GRIA1: variants seen among roughly 807,000 people sequenced by gnomAD.
The protein encoded by GRIA1 is glutamate receptor 1.
GRIA1 carries 31 observed loss-of-function variants against 99.2 expected under a neutral mutation model. The observed-to-expected ratio is 0.31, with a 90% confidence interval of 0.23 to 0.42. The LOEUF (loss-of-function observed/expected upper bound fraction) is 0.42. Among genes scored for constraint, GRIA1 ranks in the 10% least tolerant of loss-of-function variants. GRIA1 has a pLI of 1.00. For synonymous variants in GRIA1, 438 were observed against 432.4 expected (o/e 1.01, Z -0.16); for missense variants, 782 against 1,157.5 (o/e 0.68, Z 4.71).
At chr5:153,617,913 C>T (rs1407738037) in intron 2 of GRIA1, among the ~76,000 whole-genome samples, 1 of 152,184 alleles carries the variant, frequency 6.6e-6, no homozygotes, top group African/African-American at 2.4e-5. Flanking sequence ...ACATGTACAC[C>T]ATGCTTTGGG....
intron 9 of GRIA1, 28 bp from the exon 10 acceptor site, chr5:153,698,839 T>C (rs774213015): frequency 6.7e-7 from 1 of 1,487,842 alleles, no homozygotes; most frequent in South Asian, 1.1e-5. Context: ...ATAACCCACA[T>C]TCTGCTATCT....
intron 2 of GRIA1, among the ~76,000 whole-genome samples, chr5:153,561,058 T>C (rs1465701211): frequency 6.6e-6 from 1 of 152,158 alleles, no homozygotes; most frequent in Non-Finnish European, 1.5e-5. Context: ...ATGATACATG[T>C]CTTCAAGACA....
At chr5:153,579,732 G>A (rs1762879368) in intron 2 of GRIA1, among the ~76,000 whole-genome samples, 1 of 152,102 alleles carries the variant, frequency 6.6e-6, no homozygotes, top group Admixed American at 6.5e-5. Flanking sequence ...TCCAATTGGA[G>A]AAATGGCCAT....
intron 2 of GRIA1, among the ~76,000 whole-genome samples, chr5:153,627,572 A>G (rs1250919874): frequency 6.8e-6 from 1 of 148,056 alleles, no homozygotes; most frequent in African/African-American, 2.4e-5. Flanking sequence ...CTCCAGAGTA[A>G]AAGAATGGGG....
chr5:153,650,913 A>G (rs1754524976), intron 4 of GRIA1, among the ~76,000 whole-genome samples: 1 of 150,074 alleles, frequency 6.7e-6, no homozygotes, highest in South Asian at 2.1e-4. Flanking sequence ...AAAAAAAAAA[A>G]AAAAAAAATT....
At chr5:153,622,634 T>A (rs1162673328) in intron 2 of GRIA1, among the ~76,000 whole-genome samples, 1 of 152,212 alleles carries the variant, frequency 6.6e-6, no homozygotes, top group Non-Finnish European at 1.5e-5. Flanking sequence ...TCTCTGAGAT[T>A]TGAATTTATG....
intron 2 of GRIA1, among the ~76,000 whole-genome samples, chr5:153,633,358 T>C (rs1581371746): frequency 6.6e-6 from 1 of 152,300 alleles, no homozygotes; most frequent in Non-Finnish European, 1.5e-5. Flanking sequence ...TCCAGGATAG[T>C]GAGAAATGCC....
At chr5:153,617,636 G>A (rs1766632809) in intron 2 of GRIA1, among the ~76,000 whole-genome samples, 2 of 152,160 alleles carry the variant, frequency 1.3e-5, no homozygotes, top group Admixed American at 6.5e-5. Flanking sequence ...CTCTGACCTT[G>A]ATTTAGCCAC....
intron 5 of GRIA1, 128 bp downstream of exon 5, chr5:153,656,000 T>C (rs367907448): frequency 2.7e-6 from 2 of 734,448 alleles, no homozygotes; most frequent in African/African-American, 3.5e-5. Flanking sequence ...TAATAATGAG[T>C]CTTGGCAATA....
At chr5:153,565,111 A>T (rs370104276) in intron 2 of GRIA1, among the ~76,000 whole-genome samples, 16 of 152,340 alleles carry the variant, frequency 1.1e-4, no homozygotes, top group African/African-American at 3.8e-4. Context: ...AACTACTGCT[A>T]AAAAGGTTTA....
intron 2 of GRIA1, among the ~76,000 whole-genome samples, chr5:153,610,148 T>G (rs1286237297): frequency 1.3e-5 from 2 of 152,154 alleles, no homozygotes; most frequent in Admixed American, 1.3e-4. Flanking sequence ...TCAGTTGTGA[T>G]GTGAGACCAG....
intron 13 of GRIA1, among the ~76,000 whole-genome samples, chr5:153,785,031 G>C (rs1191813933): frequency 6.6e-6 from 1 of 152,102 alleles, no homozygotes; most frequent in Non-Finnish European, 1.5e-5. Context: ...CCCAGAGAAG[G>C]TTTCTCTGTC....
intron 2 of GRIA1, among the ~76,000 whole-genome samples, chr5:153,646,603 C>A (rs986916852): frequency 6.6e-6 from 1 of 152,160 alleles, no homozygotes; most frequent in Non-Finnish European, 1.5e-5. Context: ...GTCTTATATA[C>A]ATGGCTACTG....
chr5:153,547,440 G>T (rs1935629575), intron 2 of GRIA1, among the ~76,000 whole-genome samples: 1 of 152,154 alleles, frequency 6.6e-6, no homozygotes, highest in African/African-American at 2.4e-5. Flanking sequence ...CATGATAGCT[G>T]ACCCTTAATA....
chr5:153,592,105 G>T (rs1764025286), intron 2 of GRIA1, among the ~76,000 whole-genome samples: 1 of 152,174 alleles, frequency 6.6e-6, no homozygotes, highest in Non-Finnish European at 1.5e-5. Context: ...AGAGGGGTTG[G>T]GGAGGAGTAT....
intron 2 of GRIA1, among the ~76,000 whole-genome samples, chr5:153,533,082 C>T (rs547403319): frequency 6.6e-6 from 1 of 152,214 alleles, no homozygotes; most frequent in Non-Finnish European, 1.5e-5. Context: ...GATACAAACC[C>T]CCATATTCAA....
At chr5:153,573,687 C>T (rs1052781162) in intron 2 of GRIA1, among the ~76,000 whole-genome samples, 5 of 152,126 alleles carry the variant, frequency 3.3e-5, no homozygotes, top group Non-Finnish European at 5.9e-5. Flanking sequence ...GTGCCAGGCT[C>T]TATTTCCAGG....
intron 2 of GRIA1, among the ~76,000 whole-genome samples, chr5:153,623,788 G>C (rs1767300120): frequency 6.6e-6 from 1 of 152,166 alleles, no homozygotes; most frequent in South Asian, 2.1e-4. Context: ...CTGTTGAATA[G>C]TTGGGAAGTG....
chr5:153,770,228 G>A lies in GRIA1; in HGVS notation c.2083G>A (p.Val695Ile). ...WTYMKSAEPS[V>I]FVRTTEEGMI... ...ATACATGAAGTCAGCAGAGCCATCA[G>A]TTTTTGTGCGGACCACAGAGGAGGG... The change falls in exon 13 of 16, where the codon GTT (valine) becomes ATT (isoleucine). Residue 695 changes from valine to isoleucine, a missense_variant. Transcript: ENST00000285900. 3 of 1,613,994 alleles carry A rather than the reference G, an allele frequency of 1.9e-6. No homozygotes were observed. The highest frequency in any genetic ancestry group is 1.7e-6 in the Non-Finnish European group (2 of 1,179,898).
Sources: allele counts gnomAD v4.1 joint callset (sites outside exome capture counted in the v4.1 genomes callset), GRCh38; gene constraint gnomAD v4.1.1; transcripts MANE v1.5; gene names NCBI Gene and HGNC (gene_info 2026-07-23, HGNC 2026-07-21).